FGF13: variants seen among roughly 807,000 people sequenced by gnomAD.
The protein encoded by FGF13 is fibroblast growth factor 13.
A neutral mutation model predicts 19.5 loss-of-function variants in FGF13; 2 were observed. The observed-to-expected ratio is 0.10, with a 90% CI of 0.04 to 0.32. FGF13 has a LOEUF of 0.32. FGF13 is among the 10% of genes least tolerant of loss of function. The probability of loss-of-function intolerance (pLI) is 1.00; values close to 1 mark genes in which losing one functional copy is unlikely to be tolerated. For synonymous variants in FGF13, 72 were observed against 76.9 expected (o/e 0.94, Z 0.33); for missense variants, 113 against 192.7 (o/e 0.59, Z 2.45).
At chrX:139,194,094 T>C (rs191595519) in intron 1 of FGF13, among the ~76,000 whole-genome samples, 1 of 111,769 alleles carries the variant, frequency 8.9e-6, no homozygotes, top group East Asian at 2.8e-4. Flanking sequence ...CAAATCACCA[T>C]CTCTCCTTGG....
At chrX:138,981,318 TACACACACACAC>T (rs57954256) in intron 1 of FGF13, among the ~76,000 whole-genome samples, 151 of 96,394 alleles carry the variant, frequency 1.6e-3, no homozygotes, top group Non-Finnish European at 1.8e-3. Flanking sequence ...ATTGTGTGCT[TACACACACACAC>T]ACACACACAC....
chrX:138,785,032 C>A (rs967659760), intron 3 of FGF13, among the ~76,000 whole-genome samples: 1 of 112,242 alleles, frequency 8.9e-6, no homozygotes. Flanking sequence ...AATGTTCACA[C>A]TTCCATTCTC....
intron 1 of FGF13, among the ~76,000 whole-genome samples, chrX:138,892,000 A>ATATATATG (rs1556288645): frequency 0.054 from 2,499 of 46,487 alleles, 147 homozygotes; most frequent in African/African-American, 0.18. Flanking sequence ...CTATATATAC[A>ATATATATG]TATGTGTGTG....
chrX:138,987,405 G>A (rs1183471342), intron 1 of FGF13, among the ~76,000 whole-genome samples: 2 of 112,003 alleles, frequency 1.8e-5, no homozygotes, highest in East Asian at 2.8e-4. Flanking sequence ...AGCATAAGCA[G>A]CAAAATGGAA....
chrX:139,160,528 G>T (rs2367453), intron 1 of FGF13, among the ~76,000 whole-genome samples: 13,173 of 109,583 alleles, frequency 0.12, 1,292 homozygotes, highest in African/African-American at 0.34. Context: ...TGAAAAGACC[G>T]TTAAAAAAAT....
Position 138,626,161 on chromosome X carries a change from A to G in FGF13, c.*6689T>C, listed in dbSNP as rs1309323940. 8.9e-6 allele frequency: 1 copy of G among 112,267 alleles called. No individual in the cohort carries two copies. Among genetic ancestry groups the G allele is most frequent in the Non-Finnish European group, 1.9e-5 (1 of 53,235 alleles). The allele number at this position is 112,267 out of a possible 1,213,427, so 9.3% of individuals were successfully genotyped here. ...CAAATAATACAGGCCTAAGTGGCTC[A>G]TAATGTTTTTCTGGTAATGAGGTAT... is the stretch of plus-strand genomic sequence containing the variant. On this transcript the variant is annotated 3_prime_UTR_variant, in exon 5 of 5. Transcript: ENST00000315930.
intron 1 of FGF13, among the ~76,000 whole-genome samples, chrX:139,147,857 T>A (rs1352536631): frequency 9.2e-6 from 1 of 108,123 alleles, no homozygotes; most frequent in Non-Finnish European, 1.9e-5. Flanking sequence ...CAAAAGTAAC[T>A]CTGGGTTTTT....
intron 3 of FGF13, among the ~76,000 whole-genome samples, chrX:138,700,167 A>G (rs944360440): frequency 9.0e-6 from 1 of 111,085 alleles, no homozygotes; most frequent in Non-Finnish European, 1.9e-5. Context: ...ATATCTCAGC[A>G]ATCCATCTCC....
chrX:138,805,685 T>A (rs1374771720), intron 3 of FGF13, among the ~76,000 whole-genome samples: 3 of 112,261 alleles, frequency 2.7e-5, no homozygotes, highest in South Asian at 3.7e-4. Context: ...CTTCAAAAAA[T>A]TTTATTTTAT....
intron 1 of FGF13, among the ~76,000 whole-genome samples, chrX:139,185,448 C>G (rs2084275255): frequency 8.9e-6 from 1 of 112,022 alleles, no homozygotes; most frequent in African/African-American, 3.2e-5. Context: ...ATACATTTCC[C>G]CTTTACTGCT....
At chrX:139,112,441 T>C (rs184005946) in intron 1 of FGF13, among the ~76,000 whole-genome samples, 57 of 111,908 alleles carry the variant, frequency 5.1e-4, no homozygotes, top group African/African-American at 1.8e-3. Context: ...AATTCAATGA[T>C]TTTTCATATT....
chrX:139,007,612 T>C (rs1182490982), intron 1 of FGF13, among the ~76,000 whole-genome samples: 1 of 112,461 alleles, frequency 8.9e-6, no homozygotes, highest in Non-Finnish European at 1.9e-5. Context: ...AAAACAGTTA[T>C]AAAACATTCA....
chrX:138,655,246 G>A (rs1444218017), intron 3 of FGF13, among the ~76,000 whole-genome samples: 1 of 111,743 alleles, frequency 8.9e-6, no homozygotes, highest in Non-Finnish European at 1.9e-5. Flanking sequence ...GAAACCCTGA[G>A]TATCCACTGG....
chrX:139,149,149 C>T (rs765118025), intron 1 of FGF13, among the ~76,000 whole-genome samples: 89 of 111,620 alleles, frequency 8.0e-4, no homozygotes, highest in African/African-American at 2.9e-3. Flanking sequence ...ATTCCTTTTC[C>T]CTCCCTGTTT....
At chrX:138,646,859 A>G (rs771362627) in intron 3 of FGF13, among the ~76,000 whole-genome samples, 5 of 111,900 alleles carry the variant, frequency 4.5e-5, no homozygotes, top group Non-Finnish European at 9.4e-5. Context: ...ACAGAGCGAA[A>G]CACAGAAATA....
chrX:138,632,739 T>G lies in FGF13; in HGVS notation c.*111A>C. On this transcript the variant is annotated 3_prime_UTR_variant, in exon 5 of 5. Transcript: ENST00000315930. The stretch of plus-strand genomic sequence containing the variant: ...AGAATAGTGAACTCTGCCTGTTTGT[T>G]TGGTAAATGTCACTGACAAATTTGA... 1 of 878,420 alleles carries G rather than the reference T, an allele frequency of 1.1e-6. No homozygotes were observed. Among genetic ancestry groups the G allele is most frequent in the Non-Finnish European group, 1.6e-6 (1 of 631,622 alleles). 72.4% of individuals were successfully genotyped at this position (878,420 alleles called of 1,213,427 possible). A position where few individuals can be genotyped will look rare whatever the true frequency, so the allele number is the denominator to read the frequency against.
At chrX:139,193,784 G>A (rs182696517) in intron 1 of FGF13, among the ~76,000 whole-genome samples, 8 of 109,873 alleles carry the variant, frequency 7.3e-5, no homozygotes, top group African/African-American at 2.6e-4. Flanking sequence ...TTCCACTATA[G>A]ATAAAAATAG....
chrX:138,798,975 C>T (rs981955799), intron 3 of FGF13, among the ~76,000 whole-genome samples: 7 of 110,960 alleles, frequency 6.3e-5, no homozygotes, highest in African/African-American at 1.3e-4. Context: ...GTCTGGCTAG[C>T]GGTCCATCTA....
chrX:139,065,116 T>C (rs2092350544), intron 1 of FGF13, among the ~76,000 whole-genome samples: 1 of 110,788 alleles, frequency 9.0e-6, no homozygotes, highest in Non-Finnish European at 1.9e-5. Context: ...TGAGATGTTA[T>C]CACCAACAGG....
Sources: gnomAD v4.1 joint callset for allele counts (sites outside exome capture counted in the v4.1 genomes callset) on GRCh38, gnomAD v4.1.1 for gene constraint, MANE v1.5 for transcripts, NCBI Gene and HGNC (gene_info 2026-07-23, HGNC 2026-07-21) for gene names.